The following BAIAP3 variants were observed in gnomAD, a reference collection of about 807,000 sequenced individuals.
The protein encoded by BAIAP3 is BAI1 associated protein 3, also known as BAI1-associated protein 3.
In BAIAP3, 180 loss-of-function variants were observed where a neutral mutation model predicts 149.7. The ratio of observed to expected loss-of-function variants is 1.20; its 90% CI spans 1.07 to 1.36. BAIAP3 has a LOEUF of 1.36. BAIAP3 is among the 40% of genes most tolerant of loss of function. The pLI, the probability that BAIAP3 is intolerant of heterozygous loss-of-function variation, is 0.00. For synonymous variants in BAIAP3, 845 were observed against 670.7 expected (o/e 1.26, Z -4.02); for missense variants, 1,767 against 1,563.4 (o/e 1.13, Z -2.20).
chr16:1,348,362 GCC>G lies in BAIAP3; in HGVS notation c.3356-15_3356-14del. On this transcript the variant is annotated splice_polypyrimidine_tract_variant and intron_variant, in intron 33 of 33. Coordinates refer to ENST00000426824, the MANE Select transcript of BAIAP3 (RefSeq NM_001199097.2). ...GCCTGACCCCGGCCCCCACACACCT[GCC>G]CGCGCTGCTTGCAGTGAGATCTGCG... is the stretch of plus-strand genomic sequence containing the variant. The G allele has an allele frequency of 6.2e-7, 1 of 1,610,924 alleles. No individual in the cohort carries two copies. Among genetic ancestry groups the G allele is most frequent in the Non-Finnish European group, 8.5e-7 (1 of 1,179,182 alleles).
At chr16:1,346,788 GCA>G (rs1395582679) in intron 27 of BAIAP3, 57 bp from the exon 28 acceptor site, 29 of 378,222 alleles carry the variant, frequency 7.7e-5, no homozygotes, top group Non-Finnish European at 4.7e-5. Flanking sequence ...AGGCCATTCT[GCA>G]GGTGGGGCCA....
rs772615884 is a variant in BAIAP3, at chr16:1,340,983, T to G, written c.468+2T>G. ...ATCGAGCGAGTGAGGAAGGCCAAGG[T>G]GAGGCCGCCACTGCCTGGGCAGGCA... On this transcript the variant is annotated splice_donor_variant, in intron 6 of 33. Transcript: ENST00000426824. LOFTEE classifies it high-confidence loss of function. 76 of 1,598,164 alleles carry G rather than the reference T, an allele frequency of 4.8e-5. No homozygotes were observed. The highest frequency in any genetic ancestry group is 6.5e-5 in the Non-Finnish European group (76 of 1,173,152).
intron 1 of BAIAP3, among the ~76,000 whole-genome samples, chr16:1,334,251 G>A (rs563173015): frequency 7.2e-5 from 11 of 152,138 alleles, no homozygotes; most frequent in South Asian, 6.2e-4. Context: ...GTGCAAAGCG[G>A]CCCCTCCTTC....
At position 1,344,540 on chromosome 16, in the gene BAIAP3, G is replaced by A. The variant is rs751012941; in HGVS notation, c.1659+15G>A. 6.2e-7 allele frequency: 1 copy of A among 1,612,746 alleles called. No individual in the cohort carries two copies. Among genetic ancestry groups the A allele is most frequent in the South Asian group, 1.1e-5 (1 of 91,058 alleles). ...CCCGAGAGCAGGTGCAGTTGTGGGG[G>A]ACCCTGGCCATGAGGGGTACGGGCA... On this transcript the variant is annotated intron_variant, in intron 18 of 33. Coordinates refer to ENST00000426824, the MANE Select transcript of BAIAP3 (RefSeq NM_001199097.2).
rs147169956 is a variant in BAIAP3 at position 1,341,466 on chromosome 16, C to T, written c.708C>T (p.Pro236=). Residue 236 remains proline (P), a synonymous_variant, in exon 8 of 34, where the codon CCC becomes CCT. Transcript: ENST00000426824. ...AGGTGAAGAGCAGCACCCTGAACCC[C>T]GTCTGGAAGGAGCACTTCCTCTTGT... ...VTEVKSSTLN[P]VWKEHFLFEI... 1.7e-5 allele frequency: 27 copies of T among 1,611,062 alleles called. No homozygotes were observed. Among genetic ancestry groups the T allele is most frequent in the South Asian group, 1.3e-4 (12 of 91,008 alleles).
chr16:1,344,729 G>T (rs2034192856), intron 19 of BAIAP3, 31 bp downstream of exon 19: 1 of 1,593,060 alleles, frequency 6.3e-7, no homozygotes, highest in Non-Finnish European at 8.5e-7. Context: ...CTGTCCTGGG[G>T]CTGGGGTCGG....
At chr16:1,336,449 C>T (rs2033464284) in intron 1 of BAIAP3, 3 of 949,968 alleles carry the variant, frequency 3.2e-6, no homozygotes, top group Admixed American at 6.2e-5. Context: ...AGACGCAAAC[C>T]CTCCTTCCTG....
Position 1,345,036 on chromosome 16 carries a change from G to C in BAIAP3, c.1877G>C (p.Gly626Ala), listed in dbSNP as rs753798237. 5 of 1,612,418 alleles carry C rather than the reference G, an allele frequency of 3.1e-6. No homozygotes were observed. The highest frequency in any genetic ancestry group is 4.2e-6 in the Non-Finnish European group (5 of 1,180,010). ...SPKMTLEVAS[G>A]LFELYLTLAD... ...AAGATGACCCTGGAGGTGGCCTCGG[G>C]GCTCTTTGAGCTCTACCTGACCCTG... The change falls in exon 21 of 34, where the codon GGG becomes GCG. Residue 626 changes from glycine to alanine, a missense_variant. By Grantham distance (60) the Gly-to-Ala change is moderately conservative. Coordinates refer to ENST00000426824, the MANE Select transcript of BAIAP3 (RefSeq NM_001199097.2).
At chr16:1,339,903 G>GAC (rs1386780021) in intron 5 of BAIAP3, among the ~76,000 whole-genome samples, 2 of 111,670 alleles carry the variant, frequency 1.8e-5, no homozygotes, top group African/African-American at 7.1e-5. Context: ...GGTGCACACA[G>GAC]ACACGCACAC....
rs559531291 is a variant in BAIAP3 at position 1,340,839 on chromosome 16, G to C, written c.409-83G>C. ...AGGACTGAGGTTGGGTGTCTGTGAC[G>C]GGCTGAGCCCGAGGTCCCAGCACAG... On this transcript the variant is annotated intron_variant, in intron 5 of 33. Transcript: ENST00000426824. 5 of 1,440,234 alleles carry C rather than the reference G, an allele frequency of 3.5e-6. No homozygotes were observed. The South Asian group carries it at 3.7e-5, about 11-fold the overall frequency. The allele number at this position is 1,440,234 out of a possible 1,614,324, so 89.2% of individuals were successfully genotyped here. A position where few individuals can be genotyped will look rare whatever the true frequency, so the allele number is the denominator to read the frequency against.
intron 5 of BAIAP3, 102 bp from the exon 6 acceptor site, chr16:1,340,820 G>C (rs1046178038): frequency 2.1e-5 from 26 of 1,264,488 alleles, no homozygotes; most frequent in Non-Finnish European, 2.7e-5. Flanking sequence ...CGTGAGGACT[G>C]AGGTTGGGTG....
chr16:1,343,982 C>G, intron 15 of BAIAP3, 40 bp from the exon 16 acceptor site: 1 of 1,608,352 alleles, frequency 6.2e-7, no homozygotes. Flanking sequence ...CATCAGTGGC[C>G]GGTCGGGGCT....
rs200169715 is a variant in BAIAP3 at position 1,347,282 on chromosome 16, T to C, written c.2752-16T>C. 2,212 of 1,612,074 alleles carry C rather than the reference T, an allele frequency of 1.4e-3. 37 individuals carry two copies. The highest frequency in any genetic ancestry group is 1.0e-4 in the Non-Finnish European group (119 of 1,179,512). ...GCCAGGCTCCCTGACACCTCTGCCT[T>C]CTTTCCCTGCCCCAGGCCCTGGTCA... On this transcript the variant is annotated splice_polypyrimidine_tract_variant and intron_variant, in intron 28 of 33. Transcript: ENST00000426824.
chr16:1,334,648 G>A (rs1221645318), intron 1 of BAIAP3: 2 of 1,545,192 alleles, frequency 1.3e-6, no homozygotes, highest in Non-Finnish European at 1.7e-6. Flanking sequence ...GCAGATTCCC[G>A]GGGTTCGACT....
At chr16:1,347,166 G>A (rs1262525110) in intron 28 of BAIAP3, 132 bp from the exon 29 acceptor site, 3 of 1,019,852 alleles carry the variant, frequency 2.9e-6, no homozygotes, top group East Asian at 2.6e-5. Context: ...TGCCCGCCAG[G>A]GTGTGAGAAA....
intron 1 of BAIAP3, chr16:1,334,676 A>T (rs750867421): frequency 2.8e-5 from 43 of 1,552,586 alleles, no homozygotes; most frequent in Middle Eastern, 1.7e-4. Context: ...GACCCCGGGG[A>T]GCAGCGTTTG....
chr16:1,341,639 T>C, intron 8 of BAIAP3, 150 bp downstream of exon 8: 1 of 1,251,884 alleles, frequency 8.0e-7, no homozygotes, highest in South Asian at 1.4e-5. Context: ...GGCCCAGAGA[T>C]GGGCGTTGTG....
Position 1,345,382 on chromosome 16 carries a change from G to A in BAIAP3, c.2064+10G>A. The A allele has an allele frequency of 6.2e-7, 1 of 1,608,100 alleles. No homozygotes were observed. The highest frequency in any genetic ancestry group is 8.5e-7 in the Non-Finnish European group (1 of 1,177,674). On this transcript the variant is annotated intron_variant, in intron 22 of 33. Coordinates refer to ENST00000426824, the MANE Select transcript of BAIAP3 (RefSeq NM_001199097.2). Reference sequence around the variant, plus strand: ...CGTGGACATGGACACGGTGACAGCTGCCCTGGCCTGAGGACACTGGGGCTG... The same window carrying A: ...CGTGGACATGGACACGGTGACAGCTACCCTGGCCTGAGGACACTGGGGCTG...
Position 1,344,123 on chromosome 16 carries a change from C to G in BAIAP3, c.1488C>G (p.Val496=), listed in dbSNP as rs368803623. ...TCCCTGCCACCAACAGCACCGCTGT[C>G]CACCGCCTGGAGCTGCTGCTGAAGT... The part of the protein sequence containing the change: ...DYFPATNSTA[V]HRLELLLKCL... Residue 496 remains valine (V), a synonymous_variant, in exon 16 of 34, where the codon GTC becomes GTG. Coordinates refer to ENST00000426824, the MANE Select transcript of BAIAP3 (RefSeq NM_001199097.2). The G allele has an allele frequency of 5.6e-6, 9 of 1,611,880 alleles. No individual in the cohort carries two copies. In the African/African-American group the frequency reaches 6.7e-5, roughly 12 times the overall value.
Sources: gnomAD v4.1 joint callset for allele counts (sites outside exome capture counted in the v4.1 genomes callset) on GRCh38, gnomAD v4.1.1 for gene constraint, MANE v1.5 for transcripts, NCBI Gene and HGNC (gene_info 2026-07-23, HGNC 2026-07-21) for gene names.